Variants in ZNF407 observed in about 807,000 individuals in gnomAD.
ZNF407 encodes the protein zinc finger protein 407.
In ZNF407, 17 loss-of-function variants were observed where a neutral mutation model predicts 131.2. The observed-to-expected ratio is 0.13, with a 90% confidence interval of 0.09 to 0.19. ZNF407 has a LOEUF of 0.19. Among genes scored for constraint, ZNF407 ranks in the 10% least tolerant of loss-of-function variants. The probability of loss-of-function intolerance (pLI) is 1.00; values close to 1 mark genes in which losing one functional copy is unlikely to be tolerated. For missense variants in ZNF407, 2,681 were observed against 2,830.6 expected, an observed-to-expected ratio of 0.95 and a Z score of 1.20; for synonymous variants, 1,156 against 1,062.0, an observed-to-expected ratio of 1.09 and a Z score of -1.72.
chr18:74,737,619 C>T (rs1426628894), intron 3 of ZNF407, among the ~76,000 whole-genome samples: 6 of 152,060 alleles, frequency 3.9e-5, no homozygotes, highest in African/African-American at 9.7e-5. Flanking sequence ...TGGATACATA[C>T]GCAGACACAC....
chr18:75,054,758 C>T (rs781360158), intron 8 of ZNF407, among the ~76,000 whole-genome samples: 1 of 152,176 alleles, frequency 6.6e-6, no homozygotes, highest in Non-Finnish European at 1.5e-5. Context: ...CAGTTTGTTA[C>T]GTCTTTAAGT....
chr18:74,867,055 A>G (rs1055496883), intron 4 of ZNF407, among the ~76,000 whole-genome samples: 2 of 151,518 alleles, frequency 1.3e-5, no homozygotes, highest in African/African-American at 4.8e-5. Context: ...ATAAAATCAC[A>G]TTACAGATTA....
chr18:75,042,256 T>C (rs1973382749), intron 8 of ZNF407, among the ~76,000 whole-genome samples: 1 of 152,156 alleles, frequency 6.6e-6, no homozygotes, highest in Non-Finnish European at 1.5e-5. Flanking sequence ...AAAAGACAGT[T>C]CAGCCTTATG....
intron 3 of ZNF407, among the ~76,000 whole-genome samples, chr18:74,764,917 C>G (rs1336926415): frequency 1.3e-5 from 2 of 151,914 alleles, no homozygotes; most frequent in Non-Finnish European, 1.5e-5. Context: ...GAAGTGAATC[C>G]TTATAAAAGT....
intron 4 of ZNF407, among the ~76,000 whole-genome samples, chr18:74,849,860 T>G (rs898247257): frequency 6.6e-6 from 1 of 152,210 alleles, no homozygotes; most frequent in African/African-American, 2.4e-5. Context: ...TTGATTTCCA[T>G]TTAGTGCATG....
rs371453823 is a variant in ZNF407, at chr18:74,734,482, T to C, written c.4803-46946T>C. ...TTTTAAAGTAAAAACAGAATATCTG[T>C]AGTATGATAGTTTTCTCTTCTATAG... On this transcript the variant is annotated intron_variant, in intron 3 of 8. Coordinates refer to ENST00000299687, the MANE Select transcript of ZNF407 (RefSeq NM_017757.3). Among the ~76,000 whole-genome samples the C allele has an allele frequency of 5.3e-5, 8 of 152,334 alleles. No homozygotes were observed. In the East Asian group the frequency reaches 1.3e-3, roughly 26 times the overall value.
At chr18:74,831,346 A>AT (rs1970480338) in intron 4 of ZNF407, among the ~76,000 whole-genome samples, 2 of 152,142 alleles carry the variant, frequency 1.3e-5, no homozygotes, top group South Asian at 4.1e-4. Context: ...AGCTATCACC[A>AT]CTATCCATCT....
At chr18:74,984,233 G>A (rs963180295) in intron 8 of ZNF407, among the ~76,000 whole-genome samples, 3 of 152,094 alleles carry the variant, frequency 2.0e-5, no homozygotes, top group African/African-American at 7.2e-5. Context: ...CTAAGCCTGC[G>A]CTGCCCCTCA....
At chr18:74,870,187 T>C (rs1438319174) in intron 4 of ZNF407, among the ~76,000 whole-genome samples, 1 of 152,312 alleles carries the variant, frequency 6.6e-6, no homozygotes, top group Admixed American at 6.5e-5. Flanking sequence ...AACCCTTGAA[T>C]TGAATTGAAA....
intron 8 of ZNF407, among the ~76,000 whole-genome samples, chr18:74,926,525 C>G (rs929323318): frequency 2.6e-5 from 4 of 152,148 alleles, no homozygotes; most frequent in Admixed American, 2.6e-4. Flanking sequence ...GTTTTACAAC[C>G]AGGCGTGGTG....
At chr18:74,666,318 T>G (rs1383563632) in intron 3 of ZNF407, among the ~76,000 whole-genome samples, 2 of 151,818 alleles carry the variant, frequency 1.3e-5, no homozygotes, top group Non-Finnish European at 2.9e-5. Flanking sequence ...GATGTAAGAG[T>G]CCAGACAGGC....
chr18:74,598,073 C>T (rs1051645254), intron 1 of ZNF407, 136 bp downstream of exon 1: 1 of 152,126 alleles, frequency 6.6e-6, no homozygotes, highest in African/African-American at 2.4e-5. Flanking sequence ...GCCCTTCGCT[C>T]TTTCTCCTCC....
At chr18:74,918,007 G>A (rs1479455136) in intron 7 of ZNF407, among the ~76,000 whole-genome samples, 4 of 152,124 alleles carry the variant, frequency 2.6e-5, no homozygotes, top group South Asian at 4.1e-4. Context: ...CAGAATTAAG[G>A]GGGTAATTTG....
chr18:74,820,946 C>T (rs557944510), intron 4 of ZNF407, among the ~76,000 whole-genome samples: 2 of 152,186 alleles, frequency 1.3e-5, no homozygotes, highest in East Asian at 1.9e-4. Context: ...CTGAGGGGCA[C>T]ATGGTAGCAG....
intron 7 of ZNF407, chr18:74,905,973 T>C (rs1222163719): frequency 6.6e-6 from 1 of 152,500 alleles, no homozygotes; most frequent in Non-Finnish European, 1.5e-5. Flanking sequence ...TGTAGTGTAA[T>C]AGTGTAATAT....
chr18:74,691,419 C>T (rs1468375045), intron 3 of ZNF407, among the ~76,000 whole-genome samples: 1 of 151,602 alleles, frequency 6.6e-6, no homozygotes, highest in Admixed American at 6.6e-5. Flanking sequence ...TCTTTTATTT[C>T]AGCACTTCAT....
chr18:74,718,574 T>C (rs1443895874), intron 3 of ZNF407, among the ~76,000 whole-genome samples: 1 of 151,970 alleles, frequency 6.6e-6, no homozygotes, highest in Non-Finnish European at 1.5e-5. Flanking sequence ...GTTGCCGAGG[T>C]TGGCCTTGAC....
chr18:74,817,326 A>G (rs993792141), intron 4 of ZNF407, among the ~76,000 whole-genome samples: 4 of 152,202 alleles, frequency 2.6e-5, no homozygotes, highest in Non-Finnish European at 5.9e-5. Flanking sequence ...ATGTCTGAAT[A>G]CAAAACATAA....
At chr18:74,863,435 G>T (rs750929382) in intron 4 of ZNF407, among the ~76,000 whole-genome samples, 50 of 151,948 alleles carry the variant, frequency 3.3e-4, no homozygotes, top group Non-Finnish European at 3.4e-4. Flanking sequence ...TCAACATGAG[G>T]ACAAGTGTTT....
Sources: gnomAD v4.1 joint callset for allele counts (sites outside exome capture counted in the v4.1 genomes callset) on GRCh38, gnomAD v4.1.1 for gene constraint, MANE v1.5 for transcripts, NCBI Gene and HGNC (gene_info 2026-07-23, HGNC 2026-07-21) for gene names.